Variants in STAB2 observed in about 807,000 individuals in gnomAD.
STAB2 encodes the protein stabilin 2.
A neutral mutation model predicts 338.1 loss-of-function variants in STAB2; 288 were observed. The observed-to-expected ratio is 0.85, with a 90% CI of 0.77 to 0.94. The LOEUF (loss-of-function observed/expected upper bound fraction) is 0.94, where lower values mean the gene tolerates loss of function less well. STAB2 is among the 40% of genes least tolerant of loss of function. The pLI, the probability that STAB2 is intolerant of heterozygous loss-of-function variation, is 0.00. For synonymous variants in STAB2, 1,202 were observed against 1,193.3 expected, an observed-to-expected ratio of 1.01 and a Z score of -0.15; for missense variants, 3,141 against 3,210.1, an observed-to-expected ratio of 0.98 and a Z score of 0.52.
chr12:103,607,460 G>A (rs551720851), intron 3 of STAB2, among the ~76,000 whole-genome samples: 135 of 143,282 alleles, frequency 9.4e-4, no homozygotes, highest in Middle Eastern at 3.5e-3. Context: ...ATATGTATAC[G>A]TGTGCCATGT....
chr12:103,652,709 AG>A lies in STAB2; in HGVS notation c.1407+7del. ...GGAAATCTTCAACAGCGATAAGGTA[AG>A]GGTTCCTCTGATTTTCACTCCCAGA... On this transcript the variant is annotated splice_donor_5th_base_variant and intron_variant, in intron 12 of 68. Coordinates refer to ENST00000388887, the MANE Select transcript of STAB2 (RefSeq NM_017564.10). The A allele has an allele frequency of 6.3e-7, 1 of 1,576,108 alleles. No homozygotes were observed. Among genetic ancestry groups the A allele is most frequent in the Non-Finnish European group, 8.6e-7 (1 of 1,162,586 alleles).
At chr12:103,730,874 C>A (rs1881581357) in intron 49 of STAB2, among the ~76,000 whole-genome samples, 1 of 152,046 alleles carries the variant, frequency 6.6e-6, no homozygotes, top group Non-Finnish European at 1.5e-5. Context: ...CATAGTGAAA[C>A]CCTGTTTCTA....
rs747109272 is a variant in STAB2 at position 103,690,423 on chromosome 12, G to T, written c.3183-1G>T. On this transcript the variant is annotated splice_acceptor_variant, in intron 29 of 68. Transcript: ENST00000388887. LOFTEE classifies it high-confidence loss of function. ...ATAGCCTTTGTGGACTATTGTTTCA[G>T]GTACCATATGCTACTAGGCACATAC... 1.2e-6 allele frequency: 2 copies of T among 1,610,726 alleles called. No individual in the cohort carries two copies. The highest frequency in any genetic ancestry group is 1.7e-4 in the Middle Eastern group (1 of 6,046).
chr12:103,682,432 G>A (rs1434555607), intron 25 of STAB2, among the ~76,000 whole-genome samples: 2 of 152,170 alleles, frequency 1.3e-5, no homozygotes, highest in African/African-American at 2.4e-5. Flanking sequence ...CCTTAATTAC[G>A]AGGAATGCTG....
At chr12:103,620,397 T>C (rs1427323863) in intron 3 of STAB2, 71 bp from the exon 4 acceptor site, 7 of 1,386,934 alleles carry the variant, frequency 5.0e-6, no homozygotes, top group Non-Finnish European at 7.0e-6. Flanking sequence ...TTAGTAGGTG[T>C]TTAAGCGCAT....
At chr12:103,759,350 T>C (rs541729216) in intron 65 of STAB2, 77 bp downstream of exon 65, 4 of 1,556,862 alleles carry the variant, frequency 2.6e-6, no homozygotes, top group South Asian at 2.4e-5. Flanking sequence ...AGGTGCTTAA[T>C]AGATGGCAAC....
chr12:103,671,790 A>T (rs1875817974), intron 22 of STAB2, among the ~76,000 whole-genome samples: 1 of 152,246 alleles, frequency 6.6e-6, no homozygotes, highest in Non-Finnish European at 1.5e-5. Flanking sequence ...CACAATAGGC[A>T]TTGAAAAAAA....
chr12:103,687,349 T>C (rs1174968203), intron 27 of STAB2, among the ~76,000 whole-genome samples: 15 of 151,930 alleles, frequency 9.9e-5, no homozygotes, highest in Admixed American at 9.8e-4. Context: ...AAAAAAACTA[T>C]AACGCCTTCA....
At chr12:103,762,749 C>T (rs924095574) in intron 67 of STAB2, among the ~76,000 whole-genome samples, 7 of 152,208 alleles carry the variant, frequency 4.6e-5, no homozygotes, top group African/African-American at 1.7e-4. Flanking sequence ...AAGCACACCC[C>T]ATGACCTAGC....
intron 2 of STAB2, among the ~76,000 whole-genome samples, chr12:103,592,430 C>T (rs1196372742): frequency 6.6e-6 from 1 of 152,090 alleles, no homozygotes; most frequent in East Asian, 1.9e-4. Context: ...CAGGATAAAA[C>T]TTTTGCATTC....
chr12:103,644,644 C>T (rs1378092162), intron 9 of STAB2, among the ~76,000 whole-genome samples: 1 of 152,190 alleles, frequency 6.6e-6, no homozygotes, highest in Non-Finnish European at 1.5e-5. Context: ...CCATGTCTTA[C>T]TCATCTTTGC....
At chr12:103,746,875 G>A (rs1244398146) in intron 58 of STAB2, among the ~76,000 whole-genome samples, 171 bp downstream of exon 58, 2 of 151,830 alleles carry the variant, frequency 1.3e-5, no homozygotes, top group South Asian at 2.1e-4. Context: ...TGCTTGATCT[G>A]CTCACCCTCT....
chr12:103,761,102 T>G (rs545046898), intron 65 of STAB2, among the ~76,000 whole-genome samples, 198 bp from the exon 66 acceptor site: 12 of 152,254 alleles, frequency 7.9e-5, no homozygotes, highest in African/African-American at 2.9e-4. Context: ...TCTGCAGCCC[T>G]CAGATCAGCT....
At chr12:103,605,632 T>C (rs1363229482) in intron 3 of STAB2, among the ~76,000 whole-genome samples, 1 of 152,064 alleles carries the variant, frequency 6.6e-6, no homozygotes, top group Non-Finnish European at 1.5e-5. Flanking sequence ...TCGTTTCATG[T>C]ACTTTGAAAA....
chr12:103,629,081 G>A (rs1957421896), intron 5 of STAB2, among the ~76,000 whole-genome samples: 1 of 152,130 alleles, frequency 6.6e-6, no homozygotes, highest in African/African-American at 2.4e-5. Flanking sequence ...GTCATTCCAA[G>A]CAGTTCCAAT....
chr12:103,682,161 G>C (rs1876971293), intron 25 of STAB2, among the ~76,000 whole-genome samples: 1 of 152,046 alleles, frequency 6.6e-6, no homozygotes, highest in African/African-American at 2.4e-5. Context: ...ATGGGAAGAT[G>C]GGAAGATGGG....
chr12:103,724,944 C>G, intron 44 of STAB2, 31 bp from the exon 45 acceptor site: 1 of 1,609,952 alleles, frequency 6.2e-7, no homozygotes, highest in East Asian at 2.2e-5. Context: ...TGGTCTAATC[C>G]CCATCCCTTG....
intron 66 of STAB2, 39 bp downstream of exon 66, chr12:103,761,449 C>T (rs1245307796): frequency 5.7e-6 from 9 of 1,567,588 alleles, no homozygotes; most frequent in Non-Finnish European, 7.9e-6. Context: ...CCAGGAGGAG[C>T]CCCGGTGCCC....
intron 11 of STAB2, among the ~76,000 whole-genome samples, chr12:103,652,162 C>G (rs1370829161): frequency 1.3e-5 from 2 of 152,268 alleles, no homozygotes; most frequent in Non-Finnish European, 1.5e-5. Context: ...TTTACCTACT[C>G]TTTCCATGAA....
Sources: gnomAD v4.1 joint callset for allele counts (sites outside exome capture counted in the v4.1 genomes callset) on GRCh38, gnomAD v4.1.1 for gene constraint, MANE v1.5 for transcripts, NCBI Gene and HGNC (gene_info 2026-07-23, HGNC 2026-07-21) for gene names.